GATA4: variants seen among roughly 807,000 people sequenced by gnomAD.
GATA4 encodes GATA binding protein 4, also known as transcription factor GATA-4.
In GATA4, 7 loss-of-function variants were observed where a neutral mutation model predicts 37.9. That is an observed-to-expected ratio of 0.18 (90% CI 0.11 to 0.35). GATA4 has a LOEUF of 0.35. Among genes scored for constraint, GATA4 ranks in the 10% least tolerant of loss-of-function variants. The pLI is 1.00. For synonymous variants in GATA4, 372 were observed against 292.6 expected (o/e 1.27, Z -2.77); for missense variants, 647 against 653.0 (o/e 0.99, Z 0.10).
rs1222224859 is a variant in GATA4 at position 11,749,641 on chromosome 8, A to G, written c.787-470A>G. ...TGGTCAACACCAACCAGCTTGCACT[A>G]TATTAAGGAGGGAAGAACAGAGGGG... On this transcript the variant is annotated intron_variant, in intron 3 of 6. Transcript: ENST00000532059. The surrounding 1 kb of genome is among the most constrained non-coding windows in gnomAD (Gnocchi z 4.6). Among the ~76,000 whole-genome samples the G allele has an allele frequency of 5.9e-5, 9 of 152,148 alleles. No individual in the cohort carries two copies. The highest frequency in any genetic ancestry group is 5.9e-4 in the Admixed American group (9 of 15,284).
upstream of GATA4, among the ~76,000 whole-genome samples, chr8:11,688,149 A>G (rs1799199354): frequency 6.6e-6 from 1 of 152,208 alleles, no homozygotes; most frequent in Non-Finnish European, 1.5e-5. Flanking sequence ...TGCAAGTTAT[A>G]AAGTGAAGCA....
intron 2 of GATA4, among the ~76,000 whole-genome samples, chr8:11,719,695 C>T (rs1338910996): frequency 6.6e-6 from 1 of 152,062 alleles, no homozygotes; most frequent in Non-Finnish European, 1.5e-5. Flanking sequence ...ATTAAGTAGT[C>T]GTGCAAGTTA....
Position 11,758,578 on chromosome 8 carries a change from A to G in GATA4, c.*103A>G. On this transcript the variant is annotated 3_prime_UTR_variant, in exon 7 of 7. Coordinates refer to ENST00000532059, the MANE Select transcript of GATA4 (RefSeq NM_001308093.3). The stretch of plus-strand genomic sequence containing the variant: ...AGGGGCCGGCCTCCTCTGCCTGGTA[A>G]TGACTCCAGAACAACAACTGGGAAG... 2.7e-6 allele frequency: 3 copies of G among 1,094,008 alleles called. No homozygotes were observed. The highest frequency in any genetic ancestry group is 2.8e-6 in the Non-Finnish European group (2 of 715,180). 67.8% of individuals were successfully genotyped at this position (1,094,008 alleles called of 1,614,324 possible). A position where few individuals can be genotyped will look rare whatever the true frequency, so the allele number is the denominator to read the frequency against.
intron 2 of GATA4, among the ~76,000 whole-genome samples, chr8:11,735,203 T>TC (rs1801397592): frequency 6.6e-6 from 1 of 152,248 alleles, no homozygotes; most frequent in South Asian, 2.1e-4. Flanking sequence ...TATATTTTTT[T>TC]CTCAGTGACT....
chr8:11,723,596 G>A (rs889388614), intron 2 of GATA4, among the ~76,000 whole-genome samples: 8 of 152,214 alleles, frequency 5.3e-5, no homozygotes, highest in Admixed American at 5.2e-4. Flanking sequence ...TGTTAGTGAG[G>A]AATGGCGTTT....
At chr8:11,751,873 A>G (rs187905281) in intron 4 of GATA4, among the ~76,000 whole-genome samples, 2 of 152,216 alleles carry the variant, frequency 1.3e-5, no homozygotes, top group Non-Finnish European at 2.9e-5. Flanking sequence ...TACTGCATCT[A>G]TTAACTTAGT....
chr8:11,689,529 C>G (rs1205936452), upstream of GATA4, among the ~76,000 whole-genome samples: 1 of 152,188 alleles, frequency 6.6e-6, no homozygotes, highest in Non-Finnish European at 1.5e-5. Context: ...ATTTTGAAGG[C>G]TGAGTCCACA....
At chr8:11,714,129 G>C (rs568670545) in intron 2 of GATA4, among the ~76,000 whole-genome samples, 5 of 152,194 alleles carry the variant, frequency 3.3e-5, no homozygotes, top group Non-Finnish European at 4.4e-5. Context: ...TACTGGAAAG[G>C]CTAGGAAAAT....
intron 2 of GATA4, among the ~76,000 whole-genome samples, chr8:11,727,558 C>T (rs1337658388): frequency 1.3e-5 from 2 of 152,142 alleles, no homozygotes; most frequent in African/African-American, 4.8e-5. Flanking sequence ...AAAATTCCTG[C>T]TAGCCTGGGT....
At position 11,721,256 on chromosome 8, in the gene GATA4, T is replaced by C. The variant is rs1185411967; in HGVS notation, c.616+12328T>C. Among the ~76,000 whole-genome samples, 6 of 150,458 alleles carry C rather than the reference T, an allele frequency of 4.0e-5. No individual in the cohort carries two copies. In the East Asian group the frequency reaches 9.8e-4, roughly 25 times the overall value. On this transcript the variant is annotated intron_variant, in intron 2 of 6. Transcript: ENST00000532059. ...GACTTGTGGCATCCTAAAGGATGAG[T>C]AGGCGTTTGCTGCCTATAGGAAGGC...
At chr8:11,751,851 C>G (rs763759628) in intron 4 of GATA4, among the ~76,000 whole-genome samples, 1 of 152,156 alleles carries the variant, frequency 6.6e-6, no homozygotes, top group Non-Finnish European at 1.5e-5. Flanking sequence ...TATTATTGAT[C>G]TGTATTTGAA....
intron 1 of GATA4, chr8:11,680,736 C>T (rs1798939242): frequency 1.0e-6 from 1 of 985,198 alleles, no homozygotes; most frequent in Admixed American, 6.1e-5. Flanking sequence ...CCCTGGGCGG[C>T]GAGGAGAGCC....
intron 1 of GATA4, chr8:11,680,567 C>T (rs1798926544): frequency 1.0e-6 from 1 of 985,362 alleles, no homozygotes; most frequent in Admixed American, 6.1e-5. Context: ...CGCTGGTGGG[C>T]CAGGAAGCCC....
upstream of GATA4, among the ~76,000 whole-genome samples, chr8:11,688,182 A>G (rs1007817325): frequency 6.6e-6 from 1 of 152,148 alleles, no homozygotes; most frequent in Non-Finnish European, 1.5e-5. Context: ...AGAGCCCCCC[A>G]CACACGTGAG....
intron 1 of GATA4, among the ~76,000 whole-genome samples, chr8:11,679,181 G>GTC (rs1331259440): frequency 6.7e-6 from 1 of 149,436 alleles, no homozygotes; most frequent in East Asian, 2.0e-4. Context: ...AATAATTGCG[G>GTC]GGGGGGGCAC....
chr8:11,679,360 C>G (rs1242958415), intron 1 of GATA4, among the ~76,000 whole-genome samples: 1 of 152,128 alleles, frequency 6.6e-6, no homozygotes, highest in Non-Finnish European at 1.5e-5. Flanking sequence ...TTAAAGGGGG[C>G]TCGCGCCGCA....
intron 2 of GATA4, among the ~76,000 whole-genome samples, chr8:11,740,444 AGAG>A (rs1801674905): frequency 6.6e-6 from 1 of 152,224 alleles, no homozygotes; most frequent in African/African-American, 2.4e-5. Flanking sequence ...GACGGCACAA[AGAG>A]GAGAACCTTG....
At chr8:11,741,003 C>G (rs1801711391) in intron 2 of GATA4, among the ~76,000 whole-genome samples, 2 of 151,988 alleles carry the variant, frequency 1.3e-5, no homozygotes, top group African/African-American at 4.8e-5. Flanking sequence ...CAAAGTGCTG[C>G]GATTACAGGC....
intron 1 of GATA4, among the ~76,000 whole-genome samples, chr8:11,699,016 G>C (rs1585575204): frequency 6.6e-6 from 1 of 152,204 alleles, no homozygotes; most frequent in South Asian, 2.1e-4. Flanking sequence ...CCATCTCCGA[G>C]CAACTTTGAT....
Sources: allele counts gnomAD v4.1 joint callset (sites outside exome capture counted in the v4.1 genomes callset), GRCh38; gene constraint gnomAD v4.1.1; non-coding constraint Gnocchi (gnomAD v3.1); transcripts MANE v1.5; gene names NCBI Gene and HGNC (gene_info 2026-07-23, HGNC 2026-07-21).